The following IFT57 variants were observed in gnomAD, a reference collection of about 807,000 sequenced individuals.
The protein encoded by IFT57 is intraflagellar transport protein 57 homolog.
A neutral mutation model predicts 56.8 loss-of-function variants in IFT57; 59 were observed. That is an observed-to-expected ratio of 1.04 (90% CI 0.84 to 1.29). IFT57 has a LOEUF of 1.29. Among genes scored for constraint, IFT57 ranks in the 50% most tolerant of loss-of-function variants. IFT57 has a pLI of 0.00. For missense variants in IFT57, 470 were observed against 522.1 expected, an observed-to-expected ratio of 0.90 and a Z score of 0.97; for synonymous variants, 209 against 186.1, an observed-to-expected ratio of 1.12 and a Z score of -1.00.
At chr3:108,185,216 A>C (rs2080174803) in intron 6 of IFT57, among the ~76,000 whole-genome samples, 2 of 152,216 alleles carry the variant, frequency 1.3e-5, no homozygotes, top group Non-Finnish European at 2.9e-5. Context: ...ACATACTTAT[A>C]GCCTCCATTA....
chr3:108,172,080 T>C (rs17829213), intron 6 of IFT57, among the ~76,000 whole-genome samples: 14,648 of 151,928 alleles, frequency 0.096, 772 homozygotes, highest in Middle Eastern at 0.12. Flanking sequence ...ATTTAAAACA[T>C]TTCGAGAGAA....
chr3:108,213,421 C>T (rs2080353922), intron 4 of IFT57, among the ~76,000 whole-genome samples: 1 of 152,154 alleles, frequency 6.6e-6, no homozygotes, highest in Non-Finnish European at 1.5e-5. Flanking sequence ...TCATCTTTAG[C>T]TGCACACTAT....
At chr3:108,180,289 A>G (rs755016967) in intron 6 of IFT57, among the ~76,000 whole-genome samples, 12 of 151,986 alleles carry the variant, frequency 7.9e-5, no homozygotes, top group African/African-American at 1.4e-4. Flanking sequence ...ATATGGCCAC[A>G]TCGATCTTCT....
chr3:108,220,620 A>G (rs2080400682), intron 1 of IFT57, among the ~76,000 whole-genome samples: 1 of 152,220 alleles, frequency 6.6e-6, no homozygotes, highest in Admixed American at 6.5e-5. Context: ...CTTCTAGGGC[A>G]GAGGAATGAA....
chr3:108,180,436 G>A (rs1291986136), intron 6 of IFT57, among the ~76,000 whole-genome samples: 2 of 151,908 alleles, frequency 1.3e-5, no homozygotes, highest in African/African-American at 4.8e-5. Context: ...TATTTTATAA[G>A]ATGCTGAGTA....
At chr3:108,169,762 C>A (rs187991768) in intron 6 of IFT57, among the ~76,000 whole-genome samples, 18 of 152,022 alleles carry the variant, frequency 1.2e-4, no homozygotes, top group Non-Finnish European at 1.3e-4. Flanking sequence ...AAAATACTGG[C>A]AAACCAAATC....
chr3:108,186,321 C>CA (rs3053401), intron 6 of IFT57, among the ~76,000 whole-genome samples: 14,741 of 139,984 alleles, frequency 0.11, 1,445 homozygotes, highest in East Asian at 0.5. Flanking sequence ...GTGGCTATGC[C>CA]AAAAAAAAAA....
chr3:108,213,464 A>G (rs1373322215), intron 4 of IFT57, among the ~76,000 whole-genome samples: 3 of 152,130 alleles, frequency 2.0e-5, no homozygotes, highest in Non-Finnish European at 4.4e-5. Flanking sequence ...AAAGTTGTAG[A>G]TTCTGCCAAA....
rs758385329 is a variant in IFT57, at chr3:108,191,571, C to T, written c.727G>A (p.Val243Met). The change falls in exon 6 of 11, where the codon GTG (valine) becomes ATG (methionine). Residue 243 changes from valine (V) to methionine (M), a missense_variant. Coordinates refer to ENST00000264538, the MANE Select transcript of IFT57 (RefSeq NM_018010.4). ...TTCAGTTGCGGTAGTACACGTTCCACTTCTAGGCTCCATTCTGCAGCATCT... is the reference window on the plus strand; with the variant it reads ...TTCAGTTGCGGTAGTACACGTTCCATTTCTAGGCTCCATTCTGCAGCATCT... ...TTDAAEWSLE[V>M]ERVLPQLKVT... 2 of 1,609,962 alleles carry T rather than the reference C, an allele frequency of 1.2e-6. No homozygotes were observed. Among genetic ancestry groups the T allele is most frequent in the African/African-American group, 1.3e-5 (1 of 74,684 alleles).
intron 5 of IFT57, among the ~76,000 whole-genome samples, chr3:108,200,449 T>C (rs1158598361): frequency 3.3e-5 from 5 of 151,966 alleles, no homozygotes; most frequent in Admixed American, 3.3e-4. Context: ...GGGTAGGTGG[T>C]AAGTGGTGAT....
At chr3:108,190,823 C>T (rs1198694635) in intron 6 of IFT57, among the ~76,000 whole-genome samples, 2 of 152,148 alleles carry the variant, frequency 1.3e-5, no homozygotes, top group South Asian at 2.1e-4. Flanking sequence ...GATGGAATCT[C>T]GCTCTGTCAT....
chr3:108,201,355 C>A (rs1381665694), intron 5 of IFT57, among the ~76,000 whole-genome samples: 1 of 152,206 alleles, frequency 6.6e-6, no homozygotes, highest in Non-Finnish European at 1.5e-5. Context: ...GTCTTTTACA[C>A]CCAGCAAGAA....
Position 108,189,845 on chromosome 3 carries a change from G to A in IFT57, c.777+1676C>T, listed in dbSNP as rs545187172. The stretch of plus-strand genomic sequence containing the variant: ...ACAACACGTATTCCTTATGTTATAT[G>A]TATTATATACTGCATTCTTACAGCA... On this transcript the variant is annotated intron_variant, in intron 6 of 10. Coordinates refer to ENST00000264538, the MANE Select transcript of IFT57 (RefSeq NM_018010.4). Among the ~76,000 whole-genome samples, 10 of 152,174 alleles carry A rather than the reference G, an allele frequency of 6.6e-5. No homozygotes were observed. The East Asian group carries it at 1.5e-3, about 23-fold the overall frequency.
At chr3:108,196,946 A>C (rs2080247636) in intron 5 of IFT57, among the ~76,000 whole-genome samples, 1 of 152,182 alleles carries the variant, frequency 6.6e-6, no homozygotes, top group Non-Finnish European at 1.5e-5. Flanking sequence ...CCTTGGTTAT[A>C]ATACTTTGAG....
chr3:108,177,841 T>C (rs1331626778), intron 6 of IFT57, among the ~76,000 whole-genome samples: 1 of 151,866 alleles, frequency 6.6e-6, no homozygotes, highest in Non-Finnish European at 1.5e-5. Context: ...TTAACCAGTA[T>C]AGCAGGCAAG....
At chr3:108,170,127 T>C (rs1007642728) in intron 6 of IFT57, among the ~76,000 whole-genome samples, 1 of 151,962 alleles carries the variant, frequency 6.6e-6, no homozygotes, top group Non-Finnish European at 1.5e-5. Flanking sequence ...CTATTCAACA[T>C]AGTATTGGAA....
In IFT57 at chr3:108,206,609, T is replaced by C. The variant is rs1429386675; in HGVS notation, c.654+19A>G. ...ACATTGATTGCTTGTTGGTCCTGCA[T>C]GTATCTGATGAAACTTACCAAGTGA... is the stretch of plus-strand genomic sequence containing the variant. On this transcript the variant is annotated intron_variant, in intron 5 of 10. Transcript: ENST00000264538. 1.7e-6 allele frequency: 2 copies of C among 1,201,576 alleles called. No individual in the cohort carries two copies. Among genetic ancestry groups the C allele is most frequent in the Non-Finnish European group, 2.2e-6 (2 of 893,392 alleles). 74.4% of individuals were successfully genotyped at this position (1,201,576 alleles called of 1,614,324 possible).
intron 6 of IFT57, among the ~76,000 whole-genome samples, chr3:108,181,698 C>T (rs2080151915): frequency 6.6e-6 from 1 of 152,022 alleles, no homozygotes; most frequent in South Asian, 2.1e-4. Flanking sequence ...CATTTATGGC[C>T]TTACTATATT....
intron 6 of IFT57, among the ~76,000 whole-genome samples, chr3:108,181,909 G>A (rs1056509384): frequency 3.1e-4 from 47 of 152,008 alleles, no homozygotes; most frequent in Non-Finnish European, 5.9e-5. Flanking sequence ...TTTCTCAACA[G>A]AGGTCTACCA....
Sources: allele counts gnomAD v4.1 joint callset (sites outside exome capture counted in the v4.1 genomes callset), GRCh38; gene constraint gnomAD v4.1.1; transcripts MANE v1.5; gene names NCBI Gene and HGNC (gene_info 2026-07-23, HGNC 2026-07-21).